Variants in MARK1 observed in about 807,000 individuals in gnomAD.
MARK1 encodes the protein microtubule affinity regulating kinase 1.
MARK1 carries 40 observed loss-of-function variants against 96.3 expected under a neutral mutation model. The ratio of observed to expected loss-of-function variants is 0.42; its 90% CI spans 0.32 to 0.54. The LOEUF (loss-of-function observed/expected upper bound fraction) is 0.54, where lower values mean the gene tolerates loss of function less well. Ranked by LOEUF, MARK1 falls within the 20% of genes least tolerant of loss-of-function variation. The pLI, the probability that MARK1 is intolerant of heterozygous loss-of-function variation, is 0.16. For synonymous variants in MARK1, 317 were observed against 341.2 expected (o/e 0.93, Z 0.78); for missense variants, 719 against 984.6 (o/e 0.73, Z 3.61).
chr1:220,627,002 T>C, intron 9 of MARK1: 1 of 533,552 alleles, frequency 1.9e-6, no homozygotes, highest in Non-Finnish European at 3.8e-6. Flanking sequence ...ATACAGCGAC[T>C]ACTTGGAATA....
At chr1:220,553,598 G>C (rs994145160) in intron 1 of MARK1, among the ~76,000 whole-genome samples, 1 of 152,164 alleles carries the variant, frequency 6.6e-6, no homozygotes, top group Non-Finnish European at 1.5e-5. Flanking sequence ...ATGTTGCAGT[G>C]CATGCCCAAC....
At chr1:220,562,986 A>G (rs2786617) in intron 1 of MARK1, among the ~76,000 whole-genome samples, 38,381 of 152,020 alleles carry the variant, frequency 0.25, 5,753 homozygotes, top group East Asian at 0.46. Flanking sequence ...TATTGATATC[A>G]GTCCTCTTCC....
intron 6 of MARK1, among the ~76,000 whole-genome samples, chr1:220,614,246 C>A (rs1227689150): frequency 6.6e-6 from 1 of 152,076 alleles, no homozygotes; most frequent in East Asian, 1.9e-4. Flanking sequence ...TGGCCTCAAG[C>A]GATCATCCTC....
intron 1 of MARK1, among the ~76,000 whole-genome samples, chr1:220,561,069 A>G (rs1011770668): frequency 7.9e-5 from 12 of 152,062 alleles, no homozygotes; most frequent in African/African-American, 2.9e-4. Flanking sequence ...GATGTTTGCA[A>G]AGGAGTGGTT....
intron 16 of MARK1, among the ~76,000 whole-genome samples, chr1:220,657,367 A>G (rs1456753171): frequency 1.3e-5 from 2 of 152,222 alleles, no homozygotes; most frequent in East Asian, 3.8e-4. Context: ...TTTGCTAACT[A>G]CAAGGTTAAT....
At chr1:220,560,372 AT>A (rs1662584921) in intron 1 of MARK1, among the ~76,000 whole-genome samples, 1 of 152,244 alleles carries the variant, frequency 6.6e-6, no homozygotes, top group South Asian at 2.1e-4. Flanking sequence ...TCATGGTTAG[AT>A]TTGTTCTTCC....
chr1:220,553,301 G>A (rs750207160), intron 1 of MARK1, among the ~76,000 whole-genome samples: 13 of 152,106 alleles, frequency 8.5e-5, no homozygotes, highest in Non-Finnish European at 1.6e-4. Context: ...TCAAAGTTCC[G>A]CCTGTACTCT....
intron 1 of MARK1, among the ~76,000 whole-genome samples, chr1:220,570,409 T>C (rs1663361036): frequency 6.6e-6 from 1 of 152,172 alleles, no homozygotes; most frequent in African/African-American, 2.4e-5. Flanking sequence ...AGAAAGAGAA[T>C]ACAAATAAAT....
At chr1:220,570,233 A>G (rs75445551) in intron 1 of MARK1, among the ~76,000 whole-genome samples, 1,767 of 152,240 alleles carry the variant, frequency 0.012, 28 homozygotes, top group African/African-American at 0.041. Flanking sequence ...CTGGGAAGTG[A>G]TATCTAAGCT....
chr1:220,629,843 C>G (rs769183293), intron 9 of MARK1, among the ~76,000 whole-genome samples: 1 of 152,124 alleles, frequency 6.6e-6, no homozygotes, highest in Non-Finnish European at 1.5e-5. Context: ...TTTATCAATT[C>G]ATTTGTCAAT....
intron 9 of MARK1, chr1:220,627,154 T>G (rs1376582907): frequency 2.0e-6 from 1 of 492,396 alleles, no homozygotes; most frequent in East Asian, 5.4e-5. Flanking sequence ...TGCAGGTGAT[T>G]CCAGAGGATC....
intron 13 of MARK1, among the ~76,000 whole-genome samples, chr1:220,636,819 C>T (rs1667989957): frequency 6.6e-6 from 1 of 151,816 alleles, no homozygotes; most frequent in Non-Finnish European, 1.5e-5. Flanking sequence ...AGGAGAATAG[C>T]TTGAACCCGG....
chr1:220,632,229 A>T lies in MARK1; in HGVS notation c.1038A>T (p.Arg346=). Residue 346 remains arginine, a synonymous_variant, in exon 11 of 18, where the codon CGA becomes CGT. Coordinates refer to ENST00000366917, the MANE Select transcript of MARK1 (RefSeq NM_018650.5). ...TTATGGTCACCATGGGCTTTGCACG[A>T]GATGAAATAAATGATGCCTTAATAA... The part of the protein sequence containing the change: ...IDIMVTMGFA[R]DEINDALINQ... 1 of 1,535,860 alleles carries T rather than the reference A, an allele frequency of 6.5e-7. No individual in the cohort carries two copies. The highest frequency in any genetic ancestry group is 1.3e-5 in the South Asian group (1 of 75,026).
At chr1:220,650,120 C>G (rs750846408) in intron 13 of MARK1, among the ~76,000 whole-genome samples, 1 of 152,154 alleles carries the variant, frequency 6.6e-6, no homozygotes, top group Non-Finnish European at 1.5e-5. Flanking sequence ...CTGGACATGC[C>G]TTTGATCCTG....
At chr1:220,553,520 A>G (rs1458245726) in intron 1 of MARK1, among the ~76,000 whole-genome samples, 1 of 152,190 alleles carries the variant, frequency 6.6e-6, no homozygotes, top group Non-Finnish European at 1.5e-5. Flanking sequence ...CATCTCATGC[A>G]ATGTAATTTG....
At chr1:220,586,555 A>G (rs1664641455) in intron 3 of MARK1, among the ~76,000 whole-genome samples, 1 of 152,114 alleles carries the variant, frequency 6.6e-6, no homozygotes, top group Admixed American at 6.6e-5. Context: ...GTTTGTTGAC[A>G]CTTTTTGTTT....
chr1:220,533,216 C>T (rs1320602412), intron 1 of MARK1, among the ~76,000 whole-genome samples: 2 of 152,196 alleles, frequency 1.3e-5, no homozygotes, highest in East Asian at 3.9e-4. Flanking sequence ...GAAATGATTG[C>T]AGCTAATATT....
chr1:220,646,983 C>G (rs997999208), intron 13 of MARK1, among the ~76,000 whole-genome samples: 1 of 152,110 alleles, frequency 6.6e-6, no homozygotes, highest in Admixed American at 6.5e-5. Flanking sequence ...CCACTCAGGA[C>G]ACAGGCATGG....
In MARK1 at chr1:220,661,833, A is replaced by G; in HGVS notation, c.2055A>G (p.Lys685=). ...CCAGAAGTACATCAGGGGAACCAAA[A>G]GAAAGAGACAAGGAAGAGGGTAAAG... The part of the protein sequence containing the change: ...DTSRSTSGEP[K]ERDKEEGKDS... Residue 685 remains lysine (K), a synonymous_variant, in exon 18 of 18, where the codon AAA becomes AAG. Transcript: ENST00000366917. The G allele has an allele frequency of 6.2e-7, 1 of 1,608,794 alleles. No individual in the cohort carries two copies. Among genetic ancestry groups the G allele is most frequent in the Non-Finnish European group, 8.5e-7 (1 of 1,176,754 alleles).
Sources: allele counts gnomAD v4.1 joint callset (sites outside exome capture counted in the v4.1 genomes callset), GRCh38; gene constraint gnomAD v4.1.1; transcripts MANE v1.5; gene names NCBI Gene and HGNC (gene_info 2026-07-23, HGNC 2026-07-21).